ZDHHC19: variants seen among roughly 807,000 people sequenced by gnomAD.
The protein encoded by ZDHHC19 is zDHHC palmitoyltransferase 19.
In ZDHHC19, 30 loss-of-function variants were observed where a neutral mutation model predicts 33.9. The ratio of observed to expected loss-of-function variants is 0.88; its 90% CI spans 0.66 to 1.20. The LOEUF (loss-of-function observed/expected upper bound fraction) is 1.20. Ranked by LOEUF, ZDHHC19 falls within the 50% of genes most tolerant of loss-of-function variation. The pLI is 0.00. For synonymous variants in ZDHHC19, 178 were observed against 167.6 expected (o/e 1.06, Z -0.48); for missense variants, 364 against 401.1 (o/e 0.91, Z 0.79).
chr3:196,210,186 G>C (rs1287124686), intron 2 of ZDHHC19, among the ~76,000 whole-genome samples: 23 of 118,494 alleles, frequency 1.9e-4, no homozygotes, highest in Admixed American at 1.9e-3. Context: ...GCGAGACTCT[G>C]TCTCAACAAA....
Position 196,208,579 on chromosome 3 carries a change from G to C in ZDHHC19, c.409-19C>G. On this transcript the variant is annotated intron_variant, in intron 3 of 7. Coordinates refer to ENST00000296326, the MANE Select transcript of ZDHHC19 (RefSeq NM_001039617.2). ...CAAAGTCCTGGGCGACAGGGAGAGGGGCCAGGCTTGAGGACTTCTCCTCTG... is the reference window on the plus strand; with the variant it reads ...CAAAGTCCTGGGCGACAGGGAGAGGCGCCAGGCTTGAGGACTTCTCCTCTG... The C allele has an allele frequency of 6.2e-7, 1 of 1,612,462 alleles. No homozygotes were observed. Among genetic ancestry groups the C allele is most frequent in the South Asian group, 1.1e-5 (1 of 90,966 alleles).
chr3:196,206,080 C>G (rs573164493), intron 5 of ZDHHC19, among the ~76,000 whole-genome samples: 5 of 152,208 alleles, frequency 3.3e-5, no homozygotes, highest in African/African-American at 1.2e-4. Context: ...GAGACAGAGT[C>G]TCAATCTGTC....
intron 5 of ZDHHC19, among the ~76,000 whole-genome samples, chr3:196,201,591 T>G (rs560762442): frequency 7.9e-5 from 12 of 151,836 alleles, no homozygotes; most frequent in Non-Finnish European, 1.8e-4. Flanking sequence ...CATGGTGGCA[T>G]GTGCCTGTAA....
chr3:196,202,509 C>T (rs1105978), intron 5 of ZDHHC19: 47,206 of 152,242 alleles, frequency 0.31, 7,695 homozygotes, highest in Middle Eastern at 0.49. Context: ...GTTGAGGACG[C>T]ACTGCACACG....
chr3:196,211,086 C>T (rs1723265939), intron 1 of ZDHHC19, 84 bp downstream of exon 1: 1 of 1,601,868 alleles, frequency 6.2e-7, no homozygotes, highest in Non-Finnish European at 8.5e-7. Flanking sequence ...CGGTCTTCTG[C>T]ACTCCCCTGC....
chr3:196,205,438 AT>A (rs1335054957), intron 5 of ZDHHC19, among the ~76,000 whole-genome samples: 1 of 152,170 alleles, frequency 6.6e-6, no homozygotes, highest in Non-Finnish European at 1.5e-5. Flanking sequence ...AAGGAAAGTG[AT>A]AAGGACAGAG....
intron 5 of ZDHHC19, among the ~76,000 whole-genome samples, chr3:196,200,078 C>T (rs935052858): frequency 4.6e-5 from 7 of 151,368 alleles, no homozygotes; most frequent in African/African-American, 1.7e-4. Context: ...TCTCTTGACC[C>T]CAGAAGTTCA....
In ZDHHC19 at chr3:196,203,250, A is replaced by G. The variant is rs1450330984; in HGVS notation, c.687+4148T>C. Among the ~76,000 whole-genome samples, 4 of 152,048 alleles carry G rather than the reference A, an allele frequency of 2.6e-5. No individual in the cohort carries two copies. The highest frequency in any genetic ancestry group is 9.7e-5 in the African/African-American group (4 of 41,354). Reference sequence around the variant, plus strand: ...ACAGAGAAATACTCTGTCTCAAAAAAGAAAAAAAAAGAAAGAAAGAAGAAA... The same window carrying G: ...ACAGAGAAATACTCTGTCTCAAAAAGGAAAAAAAAAGAAAGAAAGAAGAAA... On this transcript the variant is annotated intron_variant, in intron 5 of 7. Transcript: ENST00000296326. The surrounding 1 kb of genome is among the most constrained non-coding windows in gnomAD (Gnocchi z 4.3).
chr3:196,202,266 A>C (rs2108723887), intron 5 of ZDHHC19: 2 of 152,192 alleles, frequency 1.3e-5, no homozygotes, highest in East Asian at 3.9e-4. Flanking sequence ...GGCTGCGGTC[A>C]GCCGAGGTGA....
At chr3:196,201,797 G>GTCCACCT (rs1722373060) in intron 5 of ZDHHC19, among the ~76,000 whole-genome samples, 1 of 152,090 alleles carries the variant, frequency 6.6e-6, no homozygotes, top group Non-Finnish European at 1.5e-5. Context: ...CAGACCTGGG[G>GTCCACCT]CTCCTGCTCC....
chr3:196,208,239 C>CA, intron 4 of ZDHHC19, 149 bp downstream of exon 4: 10 of 602,274 alleles, frequency 1.7e-5, no homozygotes, highest in Non-Finnish European at 2.6e-5. Context: ...TAGCCCCGCC[C>CA]ATCCCCCGAC....
intron 1 of ZDHHC19, 141 bp downstream of exon 1, chr3:196,211,029 C>T (rs529072651): frequency 1.5e-5 from 21 of 1,407,112 alleles, no homozygotes; most frequent in South Asian, 6.5e-5. Context: ...CACCTTTGCA[C>T]GTCGGTTCCC....
chr3:196,200,577 A>G (rs972274431), intron 5 of ZDHHC19, among the ~76,000 whole-genome samples: 1 of 149,288 alleles, frequency 6.7e-6, no homozygotes, highest in Non-Finnish European at 1.5e-5. Context: ...GATGGTCTCG[A>G]TCTCCTGACC....
chr3:196,198,257 G>A lies in ZDHHC19; in HGVS notation c.*19+19C>T, dbSNP rs376363636. On this transcript the variant is annotated intron_variant, in intron 7 of 7. Coordinates refer to ENST00000296326, the MANE Select transcript of ZDHHC19 (RefSeq NM_001039617.2). ...CCTCCCGACACGCACAGACACCCAC[G>A]CACACACACGCTTCTTACCTCCTGG... is the stretch of plus-strand genomic sequence containing the variant. 1.9e-4 allele frequency: 278 copies of A among 1,474,192 alleles called. 1 individual carries two copies. The highest frequency in any genetic ancestry group is 7.1e-4 in the Admixed American group (29 of 40,586). The allele number at this position is 1,474,192 out of a possible 1,614,324, so 91.3% of individuals were successfully genotyped here.
Position 196,198,304 on chromosome 3 carries a change from C to A in ZDHHC19, c.921G>T (p.Gly307=). 1 of 1,504,604 alleles carries A rather than the reference C, an allele frequency of 6.6e-7. No homozygotes were observed. Among genetic ancestry groups the A allele is most frequent in the South Asian group, 1.4e-5 (1 of 72,862 alleles). The allele number at this position is 1,504,604 out of a possible 1,614,324, so 93.2% of individuals were successfully genotyped here. The part of the protein sequence containing the change: ...GSLQSREGTP[G]AW ...CTGGAGAGCTGCAGCCTCACCACGC[C>A]CCGGGGGTCCCTTCCCTGCTTTGTA... Residue 307 remains glycine, a synonymous_variant, in exon 7 of 8, where the codon GGG becomes GGT. Transcript: ENST00000296326.
chr3:196,200,653 C>CT lies in ZDHHC19; in HGVS notation c.688-1780dup, dbSNP rs71621224. On this transcript the variant is annotated intron_variant, in intron 5 of 7. Transcript: ENST00000296326. ...ACAAGCGTGAGCCACCACGCCTGGC[C>CT]TTTTTTTTTTTTTTTTTTAGACGCA... Among the ~76,000 whole-genome samples the CT allele has an allele frequency of 5.4e-3, 696 of 129,812 alleles. 4 individuals are homozygous for CT. Among genetic ancestry groups the CT allele is most frequent in the African/African-American group, 0.011 (393 of 34,244 alleles). The allele number at this position is 129,812 out of a possible 152,430, so 85.2% of individuals were successfully genotyped here.
chr3:196,210,346 G>GAGAGAA (rs1553821875), intron 2 of ZDHHC19, among the ~76,000 whole-genome samples: 2 of 77,962 alleles, frequency 2.6e-5, no homozygotes, highest in Admixed American at 1.4e-4. Context: ...AGAAAGAAAA[G>GAGAGAA]AGAAAGAAAG....
intron 5 of ZDHHC19, among the ~76,000 whole-genome samples, chr3:196,200,560 T>G (rs534421285): frequency 6.7e-6 from 1 of 149,500 alleles, no homozygotes; most frequent in Non-Finnish European, 1.5e-5. Flanking sequence ...TTCACCGTGT[T>G]AGCCAGGATG....
intron 5 of ZDHHC19, among the ~76,000 whole-genome samples, chr3:196,200,429 A>G (rs1474576108): frequency 1.4e-5 from 2 of 146,088 alleles, no homozygotes; most frequent in Admixed American, 6.9e-5. Flanking sequence ...ATCTCAGCTC[A>G]CTGCAAGCTC....
Sources: gnomAD v4.1 joint callset for allele counts (sites outside exome capture counted in the v4.1 genomes callset) on GRCh38, gnomAD v4.1.1 for gene constraint, Gnocchi (gnomAD v3.1) non-coding constraint, MANE v1.5 for transcripts, NCBI Gene and HGNC (gene_info 2026-07-23, HGNC 2026-07-21) for gene names.